The following GUCY2C variants were observed in gnomAD, a reference collection of about 807,000 sequenced individuals.
The protein encoded by GUCY2C is guanylyl cyclase C.
GUCY2C carries 118 observed loss-of-function variants against 131.1 expected under a neutral mutation model. The ratio of observed to expected loss-of-function variants is 0.90; its 90% CI spans 0.78 to 1.05. The LOEUF (loss-of-function observed/expected upper bound fraction) is 1.05, where lower values mean the gene tolerates loss of function less well. Among genes scored for constraint, GUCY2C ranks in the 50% least tolerant of loss-of-function variants. The probability of loss-of-function intolerance (pLI) is 0.00; values close to 1 mark genes in which losing one functional copy is unlikely to be tolerated. For synonymous variants in GUCY2C, 452 were observed against 457.8 expected, an observed-to-expected ratio of 0.99 and a Z score of 0.16; for missense variants, 1,161 against 1,304.4, an observed-to-expected ratio of 0.89 and a Z score of 1.69.
rs1238908796 is a variant in GUCY2C, at chr12:14,643,794, C to G, written c.1798-88G>C. 2.1e-5 allele frequency: 25 copies of G among 1,210,858 alleles called. No homozygotes were observed. The Admixed American group carries it at 4.8e-4, about 23-fold the overall frequency. The allele number at this position is 1,210,858 out of a possible 1,614,324, so 75.0% of individuals were successfully genotyped here. A position where few individuals can be genotyped will look rare whatever the true frequency, so the allele number is the denominator to read the frequency against. On this transcript the variant is annotated intron_variant, in intron 16 of 26. Coordinates refer to ENST00000261170, the MANE Select transcript of GUCY2C (RefSeq NM_004963.4). ...AAAGAAAAAAGTGACATTTGGAAACCATTTCAGCAGATGGTCACACCATCA... is the reference window on the plus strand; with the variant it reads ...AAAGAAAAAAGTGACATTTGGAAACGATTTCAGCAGATGGTCACACCATCA...
intron 15 of GUCY2C, among the ~76,000 whole-genome samples, chr12:14,650,227 T>A (rs190051976): frequency 6.6e-6 from 1 of 152,138 alleles, no homozygotes. Context: ...ATTAGATACT[T>A]CAATTGTTTA....
rs11336448 is a variant in GUCY2C, at chr12:14,679,896, CT to C, written c.734-144del. On this transcript the variant is annotated intron_variant, in intron 5 of 26. Coordinates refer to ENST00000261170, the MANE Select transcript of GUCY2C (RefSeq NM_004963.4). ...CTCCAATTCCTTAAATTCCTCCTTC[CT>C]TTTTTTTTTTCATTTACAATTATAG... 339,697 of 404,322 alleles carry C rather than the reference CT, an allele frequency of 0.84. 139,713 individuals are homozygous for C. Among genetic ancestry groups the C allele is most frequent in the East Asian group, 0.91 (20,622 of 22,734 alleles). The allele number at this position is 404,322 out of a possible 1,614,324, so 25.0% of individuals were successfully genotyped here.
intron 10 of GUCY2C, among the ~76,000 whole-genome samples, chr12:14,661,696 G>A (rs1947871037): frequency 1.3e-5 from 2 of 152,188 alleles, no homozygotes; most frequent in Middle Eastern, 3.2e-3. Context: ...GTCTCCCAAA[G>A]TGCTGGGATT....
At chr12:14,656,314 T>C (rs1052690232) in intron 12 of GUCY2C, among the ~76,000 whole-genome samples, 198 bp downstream of exon 12, 1 of 152,166 alleles carries the variant, frequency 6.6e-6, no homozygotes, top group Non-Finnish European at 1.5e-5. Flanking sequence ...TCCAGGGAAG[T>C]GCTCATTGGA....
At chr12:14,656,224 C>G (rs1947760217) in intron 12 of GUCY2C, among the ~76,000 whole-genome samples, 1 of 152,194 alleles carries the variant, frequency 6.6e-6, no homozygotes, top group African/African-American at 2.4e-5. Context: ...ATTCCTACAT[C>G]CCTTCCATGG....
intron 17 of GUCY2C, among the ~76,000 whole-genome samples, chr12:14,642,997 G>C (rs1159887574): frequency 6.6e-6 from 1 of 152,116 alleles, no homozygotes; most frequent in Non-Finnish European, 1.5e-5. Context: ...GTCAAGAAAG[G>C]GTAAATGTTC....
intron 2 of GUCY2C, among the ~76,000 whole-genome samples, chr12:14,687,002 A>G (rs543574174): frequency 5.3e-5 from 8 of 152,220 alleles, no homozygotes; most frequent in African/African-American, 1.7e-4. Context: ...AAGGGGGTGC[A>G]TTGCACATCT....
chr12:14,682,524 C>T (rs542217310), intron 4 of GUCY2C, among the ~76,000 whole-genome samples: 1 of 152,170 alleles, frequency 6.6e-6, no homozygotes, highest in Non-Finnish European at 1.5e-5. Context: ...TACCCAGTCT[C>T]GAGCAGTTCT....
At position 14,686,227 on chromosome 12, in the gene GUCY2C, T is replaced by A. The variant is rs763453835; in HGVS notation, c.331-2A>T. 10 of 1,599,302 alleles carry A rather than the reference T, an allele frequency of 6.3e-6. No homozygotes were observed. Among genetic ancestry groups the A allele is most frequent in the Non-Finnish European group, 7.7e-6 (9 of 1,166,598 alleles). ...GACACAGCCCATCCGTTGTGCATTC[T>A]GTAGGAGAGAAAACAACAATGAATT... On this transcript the variant is annotated splice_acceptor_variant, in intron 2 of 26. Coordinates refer to ENST00000261170, the MANE Select transcript of GUCY2C (RefSeq NM_004963.4). LOFTEE classifies it high-confidence loss of function.
intron 21 of GUCY2C, among the ~76,000 whole-genome samples, chr12:14,625,327 ATT>A (rs10574172): frequency 0.84 from 109,230 of 130,106 alleles, 47,877 homozygotes; most frequent in Non-Finnish European, 0.96. Flanking sequence ...AAGTACATGC[ATT>A]TTTTTTTTTT....
At chr12:14,672,425 G>A (rs1387031303) in intron 9 of GUCY2C, 1 of 152,880 alleles carries the variant, frequency 6.5e-6, no homozygotes, top group Non-Finnish European at 1.5e-5. Context: ...GTGGGGCTCA[G>A]GTTTACACAT....
At chr12:14,688,948 G>A (rs773619980) in intron 1 of GUCY2C, among the ~76,000 whole-genome samples, 4 of 152,206 alleles carry the variant, frequency 2.6e-5, no homozygotes, top group Non-Finnish European at 5.9e-5. Flanking sequence ...AGGCCACACC[G>A]TGCATGACCA....
intron 21 of GUCY2C, among the ~76,000 whole-genome samples, chr12:14,623,164 A>G (rs1946929097): frequency 1.3e-5 from 2 of 152,338 alleles, no homozygotes; most frequent in African/African-American, 4.8e-5. Flanking sequence ...CCGATTAGGG[A>G]CAGAGCCAGG....
At chr12:14,628,239 G>A (rs1947063701) in intron 20 of GUCY2C, among the ~76,000 whole-genome samples, 2 of 152,060 alleles carry the variant, frequency 1.3e-5, no homozygotes, top group African/African-American at 2.4e-5. Context: ...AGTACCTAGG[G>A]CCAAAGCTGG....
chr12:14,645,378 T>C (rs895056991), intron 15 of GUCY2C, 63 bp from the exon 16 acceptor site: 3 of 780,840 alleles, frequency 3.8e-6, no homozygotes, highest in East Asian at 2.5e-5. Context: ...GGAGAGACTA[T>C]TATGAAACAA....
chr12:14,670,637 G>A (rs1314210972), intron 9 of GUCY2C, among the ~76,000 whole-genome samples: 1 of 151,594 alleles, frequency 6.6e-6, no homozygotes, highest in Non-Finnish European at 1.5e-5. Flanking sequence ...TCTTTCCCCT[G>A]CTATTCTCGT....
Position 14,616,723 on chromosome 12 carries a change from C to G in GUCY2C, c.2880G>C (p.Leu960Phe). 1 of 1,592,372 alleles carries G rather than the reference C, an allele frequency of 6.3e-7. No individual in the cohort carries two copies. The highest frequency in any genetic ancestry group is 8.6e-7 in the Non-Finnish European group (1 of 1,160,370). Residue 960 changes from leucine (L) to phenylalanine (F), a missense_variant, in exon 25 of 27, where the codon TTG becomes TTC. By Grantham distance (22) the Leu-to-Phe change is conservative. Transcript: ENST00000261170. ...TGGTGGAGCCACTCACGTGAATTCT[C>G]AAAGCTGGAAATGCAAATTGACAAA... is the stretch of plus-strand genomic sequence containing the variant. The part of the protein sequence containing the change: ...ASRMESTGLP[L>F]RIHVSGSTIA...
intron 24 of GUCY2C, among the ~76,000 whole-genome samples, 159 bp from the exon 25 acceptor site, chr12:14,616,886 G>A (rs555071081): frequency 6.6e-6 from 1 of 152,266 alleles, no homozygotes; most frequent in Admixed American, 6.5e-5. Flanking sequence ...TAACATCAGA[G>A]AGATAAGAAA....
chr12:14,621,821 G>A (rs1946902612), intron 22 of GUCY2C, among the ~76,000 whole-genome samples, 184 bp downstream of exon 22: 1 of 152,088 alleles, frequency 6.6e-6, no homozygotes, highest in African/African-American at 2.4e-5. Context: ...AAGTTGAATG[G>A]TAATTTTGAC....
Sources: allele counts gnomAD v4.1 joint callset (sites outside exome capture counted in the v4.1 genomes callset), GRCh38; gene constraint gnomAD v4.1.1; transcripts MANE v1.5; gene names NCBI Gene and HGNC (gene_info 2026-07-23, HGNC 2026-07-21).